GPC5: variants seen among roughly 807,000 people sequenced by gnomAD.
GPC5 encodes glypican 5, also known as glypican-5.
A neutral mutation model predicts 53.9 loss-of-function variants in GPC5; 47 were observed. The observed-to-expected ratio is 0.87, with a 90% CI of 0.69 to 1.11. The LOEUF is 1.11. Among genes scored for constraint, GPC5 ranks in the 50% most tolerant of loss-of-function variants. The pLI is 0.00. For synonymous variants in GPC5, 286 were observed against 263.3 expected (o/e 1.09, Z -0.84); for missense variants, 748 against 713.1 (o/e 1.05, Z -0.56).
intron 7 of GPC5, among the ~76,000 whole-genome samples, chr13:92,282,773 G>A (rs1337669841): frequency 2.0e-5 from 3 of 152,048 alleles, no homozygotes; most frequent in Non-Finnish European, 2.9e-5. Context: ...AAAAGATACC[G>A]GCCACTGCAA....
intron 6 of GPC5, among the ~76,000 whole-genome samples, chr13:91,978,225 C>A (rs1163664086): frequency 6.6e-6 from 1 of 152,198 alleles, no homozygotes; most frequent in Non-Finnish European, 1.5e-5. Context: ...AATTTTGCCT[C>A]CTCAACATCA....
chr13:92,794,204 C>T (rs1876570307), intron 7 of GPC5, among the ~76,000 whole-genome samples: 1 of 152,122 alleles, frequency 6.6e-6, no homozygotes, highest in African/African-American at 2.4e-5. Context: ...TCGGTTTCAT[C>T]CCTGGGATGC....
intron 7 of GPC5, among the ~76,000 whole-genome samples, chr13:92,267,763 T>G (rs1455632474): frequency 6.6e-6 from 1 of 152,124 alleles, no homozygotes; most frequent in Admixed American, 6.6e-5. Flanking sequence ...CATTTACACA[T>G]TGTCACACTG....
intron 2 of GPC5, among the ~76,000 whole-genome samples, chr13:91,529,648 A>G (rs764344917): frequency 6.6e-6 from 1 of 152,192 alleles, no homozygotes; most frequent in Non-Finnish European, 1.5e-5. Context: ...AGCGTTATAG[A>G]TAGATAATAC....
At chr13:92,325,585 G>A (rs1329239891) in intron 7 of GPC5, among the ~76,000 whole-genome samples, 1 of 152,032 alleles carries the variant, frequency 6.6e-6, no homozygotes, top group African/African-American at 2.4e-5. Context: ...ATGGGAGGAA[G>A]CATAGGGTAT....
At chr13:92,017,981 TAC>T (rs141949784) in intron 6 of GPC5, among the ~76,000 whole-genome samples, 6,136 of 147,954 alleles carry the variant, frequency 0.041, 160 homozygotes, top group Middle Eastern at 0.055. Flanking sequence ...GCAGCACGAG[TAC>T]ACACACACAC....
At chr13:92,516,243 C>T (rs758399794) in intron 7 of GPC5, among the ~76,000 whole-genome samples, 5 of 151,642 alleles carry the variant, frequency 3.3e-5, no homozygotes, top group Non-Finnish European at 7.4e-5. Context: ...GAGGTCTACA[C>T]AAGAAAATAA....
At position 92,012,588 on chromosome 13, in the gene GPC5, C is replaced by A. The variant is rs546473566; in HGVS notation, c.1401+104531C>A. On this transcript the variant is annotated intron_variant, in intron 6 of 7. Coordinates refer to ENST00000377067, the MANE Select transcript of GPC5 (RefSeq NM_004466.6). ...TAAATTATAAATTTGAATCTTTAGT[C>A]ATGCAATAGGTATTCATTTCTTTAT... Among the ~76,000 whole-genome samples the A allele has an allele frequency of 7.2e-5, 11 of 152,190 alleles. No individual in the cohort carries two copies. The South Asian group carries it at 2.1e-3, about 29-fold the overall frequency.
chr13:91,499,627 C>T (rs1393328793), intron 2 of GPC5, among the ~76,000 whole-genome samples: 2 of 152,182 alleles, frequency 1.3e-5, no homozygotes, highest in African/African-American at 4.8e-5. Context: ...ATGTAAATCA[C>T]GATGGCAATG....
chr13:92,428,611 A>G (rs960363669), intron 7 of GPC5, among the ~76,000 whole-genome samples: 1 of 152,108 alleles, frequency 6.6e-6, no homozygotes, highest in African/African-American at 2.4e-5. Context: ...AAGCACTCCA[A>G]TGATCAGTTG....
chr13:92,164,029 T>C (rs2042009737), intron 7 of GPC5, among the ~76,000 whole-genome samples: 2 of 152,230 alleles, frequency 1.3e-5, no homozygotes, highest in South Asian at 4.2e-4. Context: ...ATCACTATCA[T>C]GAGAAGAGCA....
intron 7 of GPC5, among the ~76,000 whole-genome samples, chr13:92,477,989 T>G (rs1435939184): frequency 6.6e-6 from 1 of 152,162 alleles, no homozygotes. Flanking sequence ...TCATTTGTAC[T>G]TCTCTTAAAT....
chr13:92,524,660 T>C (rs1438399275), intron 7 of GPC5, among the ~76,000 whole-genome samples: 2 of 152,146 alleles, frequency 1.3e-5, no homozygotes, highest in Admixed American at 1.3e-4. Flanking sequence ...AGTCCTTTCA[T>C]TGAGAGCATA....
chr13:91,588,725 CTTTACCT>C (rs1437860995), intron 2 of GPC5, among the ~76,000 whole-genome samples: 1 of 152,078 alleles, frequency 6.6e-6, no homozygotes. Flanking sequence ...TCTCTTTCTT[CTTTACCT>C]TTATAACCTT....
chr13:92,052,898 T>C (rs1185636404), intron 6 of GPC5, among the ~76,000 whole-genome samples: 1 of 152,080 alleles, frequency 6.6e-6, no homozygotes, highest in African/African-American at 2.4e-5. Context: ...GTAGGAACCC[T>C]CAAGGGTCCC....
At chr13:92,212,333 T>G (rs2042381270) in intron 7 of GPC5, among the ~76,000 whole-genome samples, 1 of 152,160 alleles carries the variant, frequency 6.6e-6, no homozygotes, top group Non-Finnish European at 1.5e-5. Flanking sequence ...GAGGACTGTC[T>G]AGAGCTCTGA....
chr13:91,463,466 A>G (rs1280413575), intron 2 of GPC5, among the ~76,000 whole-genome samples: 1 of 152,154 alleles, frequency 6.6e-6, no homozygotes, highest in East Asian at 1.9e-4. Context: ...AGCTTTTTCT[A>G]AAATTTATGT....
chr13:92,554,937 G>GT (rs148890213), intron 7 of GPC5, among the ~76,000 whole-genome samples: 80,915 of 146,908 alleles, frequency 0.55, 23,189 homozygotes, highest in African/African-American at 0.71. Context: ...TAAGTTTTGA[G>GT]TTTGTTTTTT....
chr13:91,933,668 TTTCA>T (rs1480145452), intron 6 of GPC5, among the ~76,000 whole-genome samples: 1 of 151,938 alleles, frequency 6.6e-6, no homozygotes, highest in African/African-American at 2.4e-5. Context: ...AAAACCTTCC[TTTCA>T]TTGTTTGCAC....
Sources: allele counts gnomAD v4.1 joint callset (sites outside exome capture counted in the v4.1 genomes callset), GRCh38; gene constraint gnomAD v4.1.1; transcripts MANE v1.5; gene names NCBI Gene and HGNC (gene_info 2026-07-23, HGNC 2026-07-21).